Variants in AOX1 observed in about 807,000 individuals in gnomAD.
The protein encoded by AOX1 is aldehyde oxidase 1, also known as aldehyde oxidase.
AOX1 carries 153 observed loss-of-function variants against 169.5 expected under a neutral mutation model. The ratio of observed to expected loss-of-function variants is 0.90; its 90% CI spans 0.79 to 1.03. AOX1 has a LOEUF of 1.03. AOX1 is among the 50% of genes least tolerant of loss of function. AOX1 has a pLI of 0.00. For missense variants in AOX1, 1,656 were observed against 1,663.9 expected (o/e 1.00, Z 0.08); for synonymous variants, 562 against 581.9 (o/e 0.97, Z 0.49).
Position 200,671,028 on chromosome 2 carries a change from A to C in AOX1, c.*349A>C, listed in dbSNP as rs1194005446. Reference sequence around the variant, plus strand: ...TCCACCAACAGAAATTATACCATATAGTGAAAGGCAATTTTCTAAATAATT... The same window carrying C: ...TCCACCAACAGAAATTATACCATATCGTGAAAGGCAATTTTCTAAATAATT... On this transcript the variant is annotated 3_prime_UTR_variant, in exon 35 of 35. Coordinates refer to ENST00000374700, the MANE Select transcript of AOX1 (RefSeq NM_001159.4). The C allele has an allele frequency of 4.5e-6, 1 of 222,076 alleles. No individual in the cohort carries two copies. The highest frequency in any genetic ancestry group is 8.8e-6 in the Non-Finnish European group (1 of 113,250). 13.8% of individuals were successfully genotyped at this position (222,076 alleles called of 1,614,324 possible).
chr2:200,616,623 G>A (rs1291401992), intron 16 of AOX1, among the ~76,000 whole-genome samples: 1 of 152,164 alleles, frequency 6.6e-6, no homozygotes, highest in Non-Finnish European at 1.5e-5. Flanking sequence ...AGAGCTTTTT[G>A]TGCTCTCGTA....
chr2:200,598,503 G>C (rs747184294), intron 4 of AOX1, among the ~76,000 whole-genome samples: 80 of 152,252 alleles, frequency 5.3e-4, no homozygotes, highest in Non-Finnish European at 9.7e-4. Context: ...CCAGCACTTT[G>C]GGAGGCAGAG....
chr2:200,617,742 A>G (rs2105717940), intron 16 of AOX1, among the ~76,000 whole-genome samples: 1 of 152,262 alleles, frequency 6.6e-6, no homozygotes, highest in East Asian at 1.9e-4. Flanking sequence ...TTTCAGGATG[A>G]AAAAACTTCT....
intron 25 of AOX1, among the ~76,000 whole-genome samples, chr2:200,643,408 T>G (rs2035394214): frequency 6.6e-6 from 1 of 151,596 alleles, no homozygotes; most frequent in Non-Finnish European, 1.5e-5. Flanking sequence ...CATATATATA[T>G]ATATACATAC....
rs116216127 is a variant in AOX1 at position 200,613,470 on chromosome 2, C to A, written c.1449-334C>A. On this transcript the variant is annotated intron_variant, in intron 14 of 34. Transcript: ENST00000374700. ...TACATATAAGGTGCTAAAAGCAGAT[C>A]TTGGCATGCAATAAATGTCCTAGTG... Among the ~76,000 whole-genome samples, 395 of 152,244 alleles carry A rather than the reference C, an allele frequency of 2.6e-3. 2 individuals carry two copies. Among genetic ancestry groups the A allele is most frequent in the Middle Eastern group, 0.01 (3 of 294 alleles).
At chr2:200,604,919 C>T in intron 9 of AOX1, 79 bp downstream of exon 9, 1 of 1,269,516 alleles carries the variant, frequency 7.9e-7, no homozygotes, top group Non-Finnish European at 1.1e-6. Context: ...GCTGGGGAAA[C>T]TTCATATACA....
chr2:200,625,760 T>C (rs956627317), intron 19 of AOX1, among the ~76,000 whole-genome samples: 9 of 152,016 alleles, frequency 5.9e-5, no homozygotes, highest in African/African-American at 2.2e-4. Flanking sequence ...AAAACCTAGC[T>C]TTTTTTTCAA....
At chr2:200,625,242 A>G (rs904890267) in intron 19 of AOX1, among the ~76,000 whole-genome samples, 1 of 152,094 alleles carries the variant, frequency 6.6e-6, no homozygotes, top group African/African-American at 2.4e-5. Context: ...CTTGCTTCAT[A>G]TATTCTGTCC....
chr2:200,627,212 C>G (rs1168820238), intron 19 of AOX1, 141 bp from the exon 20 acceptor site: 2 of 629,856 alleles, frequency 3.2e-6, no homozygotes. Context: ...CTTGGCTCAC[C>G]AGGGTCATGG....
chr2:200,640,213 G>A (rs976199773), intron 23 of AOX1, among the ~76,000 whole-genome samples: 1 of 152,104 alleles, frequency 6.6e-6, no homozygotes, highest in African/African-American at 2.4e-5. Context: ...AAATAGGATT[G>A]ATGGGTTTAG....
chr2:200,600,668 G>C (rs2034395527), intron 5 of AOX1, among the ~76,000 whole-genome samples: 1 of 152,090 alleles, frequency 6.6e-6, no homozygotes, highest in Non-Finnish European at 1.5e-5. Context: ...ATGTTCCAAG[G>C]AAAACCAGAA....
At chr2:200,628,421 G>A (rs1381458626) in intron 20 of AOX1, among the ~76,000 whole-genome samples, 1 of 152,010 alleles carries the variant, frequency 6.6e-6, no homozygotes, top group Non-Finnish European at 1.5e-5. Context: ...TTCATCATAA[G>A]TCTTAAATAA....
intron 1 of AOX1, among the ~76,000 whole-genome samples, chr2:200,587,037 C>G (rs1253220902): frequency 6.6e-6 from 1 of 151,854 alleles, no homozygotes; most frequent in African/African-American, 2.4e-5. Context: ...GAGACCGAGG[C>G]AGGAGGATTG....
chr2:200,598,096 G>C (rs1288447974), intron 4 of AOX1, among the ~76,000 whole-genome samples: 3 of 151,692 alleles, frequency 2.0e-5, no homozygotes, highest in Admixed American at 2.0e-4. Context: ...GACTGAGTGA[G>C]ACCCTGTTGT....
intron 21 of AOX1, among the ~76,000 whole-genome samples, chr2:200,636,155 G>C (rs1408054564): frequency 9.3e-6 from 1 of 107,362 alleles, no homozygotes; most frequent in Non-Finnish European, 1.7e-5. Flanking sequence ...TTGAGACAGA[G>C]TCTCGCTTGG....
Position 200,645,123 on chromosome 2 carries a change from C to T in AOX1, c.2847+2322C>T, listed in dbSNP as rs1022713361. On this transcript the variant is annotated intron_variant, in intron 25 of 34. Transcript: ENST00000374700. ...AGAGTGGGCCTCCTTGTCTTGTTCC[C>T]GTTGAATGCCTTCAACTTTTTCCCA... Among the ~76,000 whole-genome samples, 9 of 151,562 alleles carry T rather than the reference C, an allele frequency of 5.9e-5. No individual in the cohort carries two copies. The South Asian group carries it at 6.2e-4, about 11-fold the overall frequency.
Position 200,611,542 on chromosome 2 carries a change from G to A in AOX1, c.1263+49G>A, listed in dbSNP as rs765909872. On this transcript the variant is annotated intron_variant, in intron 13 of 34. Transcript: ENST00000374700. ...TCCCAGTTGCACCTGTGATGCTATGGCTTGTTTATTCCAGTATATGGTGGA... is the reference window on the plus strand; with the variant it reads ...TCCCAGTTGCACCTGTGATGCTATGACTTGTTTATTCCAGTATATGGTGGA... 14 of 1,201,264 alleles carry A rather than the reference G, an allele frequency of 1.2e-5. No individual in the cohort carries two copies. In the Admixed American group the frequency reaches 2.0e-4, roughly 17 times the overall value. 74.4% of individuals were successfully genotyped at this position (1,201,264 alleles called of 1,614,324 possible). A position where few individuals can be genotyped will look rare whatever the true frequency, so the allele number is the denominator to read the frequency against.
chr2:200,648,651 C>G (rs948160903), intron 25 of AOX1, among the ~76,000 whole-genome samples: 1 of 152,068 alleles, frequency 6.6e-6, no homozygotes, highest in African/African-American at 2.4e-5. Flanking sequence ...CTAGAACTCC[C>G]AAGATTAAAT....
chr2:200,605,031 C>T (rs2293529), intron 9 of AOX1, among the ~76,000 whole-genome samples, 191 bp downstream of exon 9: 2,206 of 152,268 alleles, frequency 0.014, 27 homozygotes, highest in Middle Eastern at 0.034. Flanking sequence ...TAAGTAGATT[C>T]CTCTTGCCTC....
Sources: gnomAD v4.1 joint callset for allele counts (sites outside exome capture counted in the v4.1 genomes callset) on GRCh38, gnomAD v4.1.1 for gene constraint, MANE v1.5 for transcripts, NCBI Gene and HGNC (gene_info 2026-07-23, HGNC 2026-07-21) for gene names.